MFAP3L: variants seen among roughly 807,000 people sequenced by gnomAD.
MFAP3L encodes microfibrillar-associated protein 3-like.
A neutral mutation model predicts 20.0 loss-of-function variants in MFAP3L; 5 were observed. The ratio of observed to expected loss-of-function variants is 0.25; its 90% confidence interval spans 0.13 to 0.53. MFAP3L has a LOEUF of 0.53. MFAP3L is among the 20% of genes least tolerant of loss of function. The probability of loss-of-function intolerance (pLI) is 0.96; values close to 1 mark genes in which losing one functional copy is unlikely to be tolerated. For synonymous variants in MFAP3L, 219 were observed against 213.0 expected (o/e 1.03, Z -0.25); for missense variants, 409 against 527.5 (o/e 0.78, Z 2.20).
intron 1 of MFAP3L, among the ~76,000 whole-genome samples, chr4:170,011,013 A>C (rs1255281699): frequency 1.3e-5 from 2 of 152,106 alleles, no homozygotes; most frequent in Non-Finnish European, 2.9e-5. Context: ...TTTCCACCAT[A>C]TTGTTCTTGT....
intron 2 of MFAP3L, chr4:169,997,642 A>C: frequency 1.1e-6 from 1 of 882,034 alleles, no homozygotes; most frequent in Non-Finnish European, 1.4e-6. Context: ...GCCAGAATAA[A>C]GGGGAGTCGC....
intron 1 of MFAP3L, among the ~76,000 whole-genome samples, chr4:170,024,309 G>A (rs917511816): frequency 1.6e-4 from 24 of 152,080 alleles, no homozygotes; most frequent in Admixed American, 1.2e-3. Context: ...TTTGTGGATC[G>A]AGAAGGGGGC....
intron 2 of MFAP3L, among the ~76,000 whole-genome samples, chr4:170,000,747 T>A (rs1581474948): frequency 1.3e-5 from 2 of 152,218 alleles, no homozygotes; most frequent in Admixed American, 1.3e-4. Context: ...GCTGTTGAGA[T>A]AGGATCTTGC....
intron 1 of MFAP3L, among the ~76,000 whole-genome samples, chr4:170,018,219 C>T (rs1739816939): frequency 6.6e-6 from 1 of 152,168 alleles, no homozygotes; most frequent in Non-Finnish European, 1.5e-5. Flanking sequence ...GGAGACCAGA[C>T]AGTTCTCCTA....
chr4:170,025,958 G>A (rs1248170820), intron 1 of MFAP3L, among the ~76,000 whole-genome samples: 1 of 151,968 alleles, frequency 6.6e-6, no homozygotes, highest in Admixed American at 6.5e-5. Context: ...TGGATTCCGC[G>A]CTCCTCGCCC....
upstream of MFAP3L, among the ~76,000 whole-genome samples, chr4:170,026,616 C>T (rs1431789236): frequency 2.6e-5 from 4 of 151,994 alleles, no homozygotes; most frequent in Admixed American, 6.5e-5. Context: ...CCGGGGAGTC[C>T]CGCATTCAGT....
At chr4:170,018,065 T>C (rs538823764) in intron 1 of MFAP3L, among the ~76,000 whole-genome samples, 1 of 152,338 alleles carries the variant, frequency 6.6e-6, no homozygotes, top group Non-Finnish European at 1.5e-5. Flanking sequence ...CAAAGGTGCT[T>C]AGAATCTTGG....
chr4:170,026,344 G>A lies in MFAP3L; in HGVS notation c.-244C>T, dbSNP rs1730413207. The A allele has an allele frequency of 7.3e-6, 7 of 953,876 alleles. No individual in the cohort carries two copies. The highest frequency in any genetic ancestry group is 4.8e-5 in the South Asian group (1 of 20,756). 59.1% of individuals were successfully genotyped at this position (953,876 alleles called of 1,614,324 possible). On this transcript the variant is annotated 5_prime_UTR_variant, in exon 1 of 3. Coordinates refer to ENST00000361618, the MANE Select transcript of MFAP3L (RefSeq NM_021647.8). ...CGGACGCCCGGTAGCGCCTACTGCG[G>A]GCGAGCCGCCTCCGCCGGCGCCTCA...
At chr4:170,006,113 TA>T in intron 1 of MFAP3L, 103 bp from the exon 2 acceptor site, 1 of 794,976 alleles carries the variant, frequency 1.3e-6, no homozygotes, top group Non-Finnish European at 1.7e-6. Flanking sequence ...AACATCAACA[TA>T]CTTTTTTTTT....
chr4:170,014,527 C>T (rs1654815243), intron 1 of MFAP3L, among the ~76,000 whole-genome samples: 1 of 152,164 alleles, frequency 6.6e-6, no homozygotes. Flanking sequence ...GGCTGCCTGC[C>T]CACAAGTCCA....
chr4:170,005,747 C>A lies in MFAP3L; in HGVS notation c.131G>T (p.Gly44Val), dbSNP rs139454409. The change falls in exon 2 of 3, where the codon GGC becomes GTC. Residue 44 changes from glycine (G) to valine (V), a missense_variant. Transcript: ENST00000361618. The part of the protein sequence containing the change: ...STLNGTNVVL[G>V]SVPVIIARTD... ...TCTGGCAATGATTACGGGCACAGAG[C>A]CCAAGACCACGTTAGTGCCATTTAA... The A allele has an allele frequency of 8.0e-4, 1,297 of 1,614,042 alleles. 2 individuals carry two copies. Among genetic ancestry groups the A allele is most frequent in the Non-Finnish European group, 9.7e-4 (1,148 of 1,180,036 alleles).
At position 169,989,566 on chromosome 4, in the gene MFAP3L, C is replaced by A. The variant is rs1402888485; in HGVS notation, c.*1812G>T. ...TTTCAACTAGAAGGGATCCTGTAGACCCTCGAGTACTACCTGCATATTTTA... is the reference window on the plus strand; with the variant it reads ...TTTCAACTAGAAGGGATCCTGTAGAACCTCGAGTACTACCTGCATATTTTA... On this transcript the variant is annotated 3_prime_UTR_variant, in exon 3 of 3. Coordinates refer to ENST00000361618, the MANE Select transcript of MFAP3L (RefSeq NM_021647.8). 1 of 152,172 alleles carries A rather than the reference C, an allele frequency of 6.6e-6. No individual in the cohort carries two copies. The highest frequency in any genetic ancestry group is 1.5e-5 in the Non-Finnish European group (1 of 68,048). 9.4% of individuals were successfully genotyped at this position (152,172 alleles called of 1,614,324 possible). A position where few individuals can be genotyped will look rare whatever the true frequency, so the allele number is the denominator to read the frequency against.
At chr4:170,003,863 G>A (rs1256637907) in intron 2 of MFAP3L, 9 of 985,116 alleles carry the variant, frequency 9.1e-6, no homozygotes, top group Non-Finnish European at 1.1e-5. Flanking sequence ...CTTCTGACTT[G>A]TCCTGGAGGA....
In MFAP3L at chr4:169,986,692, T is replaced by C. The variant is rs757259019; in HGVS notation, c.*4686A>G. ...TTTTTGCTACTGTAATACCAACTTATATGAGTAACTTGTTTACAACTTTAT... is the reference window on the plus strand; with the variant it reads ...TTTTTGCTACTGTAATACCAACTTACATGAGTAACTTGTTTACAACTTTAT... On this transcript the variant is annotated 3_prime_UTR_variant, in exon 3 of 3. Transcript: ENST00000361618. The C allele has an allele frequency of 1.3e-5, 2 of 152,200 alleles. No individual in the cohort carries two copies. Among genetic ancestry groups the C allele is most frequent in the Admixed American group, 6.5e-5 (1 of 15,272 alleles). 9.4% of individuals were successfully genotyped at this position (152,200 alleles called of 1,614,324 possible).
At chr4:170,023,889 A>G (rs531367903) in intron 1 of MFAP3L, among the ~76,000 whole-genome samples, 2 of 152,360 alleles carry the variant, frequency 1.3e-5, no homozygotes, top group East Asian at 3.9e-4. Flanking sequence ...CAAGCCAAAT[A>G]GGAATTGGAT....
intron 2 of MFAP3L, among the ~76,000 whole-genome samples, chr4:169,995,724 G>T (rs56211561): frequency 0.06 from 9,125 of 152,256 alleles, 367 homozygotes; most frequent in Non-Finnish European, 0.084. Flanking sequence ...CTTTACACGC[G>T]AAGTGGGGAT....
intron 1 of MFAP3L, among the ~76,000 whole-genome samples, 182 bp downstream of exon 1, chr4:170,026,052 G>C (rs113926383): frequency 6.6e-6 from 1 of 151,900 alleles, no homozygotes; most frequent in South Asian, 2.1e-4. Flanking sequence ...AGCATCCTGC[G>C]ACCCCCTGGA....
intron 1 of MFAP3L, among the ~76,000 whole-genome samples, chr4:170,020,830 C>G (rs999360934): frequency 3.9e-5 from 6 of 152,004 alleles, no homozygotes; most frequent in South Asian, 2.1e-4. Flanking sequence ...CCAAGGTAGC[C>G]CCAGACACTC....
intron 1 of MFAP3L, 75 bp downstream of exon 1, chr4:170,026,159 T>C (rs1185463229): frequency 3.3e-6 from 3 of 896,852 alleles, no homozygotes; most frequent in Non-Finnish European, 4.0e-6. Context: ...CGGCGCCGAC[T>C]CGGCCGCCGA....
Sources: allele counts gnomAD v4.1 joint callset (sites outside exome capture counted in the v4.1 genomes callset), GRCh38; gene constraint gnomAD v4.1.1; transcripts MANE v1.5; gene names NCBI Gene and HGNC (gene_info 2026-07-23, HGNC 2026-07-21).